The following ENTREP2 variants were observed in gnomAD, a reference collection of about 807,000 sequenced individuals.
ENTREP2 encodes protein ENTREP2.
the ENTREP2 span, among the ~76,000 whole-genome samples, chr15:29,429,224 TCCATCC>T: frequency 6.6e-6 from 1 of 150,526 alleles, no homozygotes; most frequent in Non-Finnish European, 1.5e-5. Context: ...CATCCATCCA[TCCATCC>T]ATCTATCTTG....
At chr15:29,517,392 C>A in the ENTREP2 span, among the ~76,000 whole-genome samples, 1 of 152,186 alleles carries the variant, frequency 6.6e-6, no homozygotes, top group African/African-American at 2.4e-5. Flanking sequence ...AGCCTGAGGT[C>A]AAGTGGCCAA....
chr15:29,318,838 G>T, the ENTREP2 span, among the ~76,000 whole-genome samples: 3 of 152,194 alleles, frequency 2.0e-5, no homozygotes, highest in Non-Finnish European at 2.9e-5. Context: ...TAGTGCAAAA[G>T]ATGAACCCAA....
the ENTREP2 span, among the ~76,000 whole-genome samples, chr15:29,379,579 A>G: frequency 6.6e-6 from 1 of 152,052 alleles, no homozygotes; most frequent in African/African-American, 2.4e-5. Flanking sequence ...CACTCTGAAC[A>G]TTCTACTCCT....
chr15:29,232,289 G>T, the ENTREP2 span, among the ~76,000 whole-genome samples: 1 of 151,998 alleles, frequency 6.6e-6, no homozygotes, highest in Non-Finnish European at 1.5e-5. Flanking sequence ...GTTTAAATTC[G>T]ATCTATTTCA....
At chr15:29,454,434 C>T in the ENTREP2 span, among the ~76,000 whole-genome samples, 1 of 152,196 alleles carries the variant, frequency 6.6e-6, no homozygotes, top group Non-Finnish European at 1.5e-5. Flanking sequence ...ATCAATCTTT[C>T]CCCTTATTAT....
the ENTREP2 span, among the ~76,000 whole-genome samples, chr15:29,540,270 A>G: frequency 6.6e-6 from 1 of 152,206 alleles, no homozygotes; most frequent in African/African-American, 2.4e-5. Context: ...TCTTCTCGCT[A>G]TGTTGAAATG....
chr15:29,469,636 C>T, the ENTREP2 span, among the ~76,000 whole-genome samples: 3 of 152,090 alleles, frequency 2.0e-5, no homozygotes, highest in African/African-American at 7.2e-5. Context: ...AAGGTGAAAA[C>T]GTTATAGAGA....
the ENTREP2 span, among the ~76,000 whole-genome samples, chr15:29,319,465 T>A: frequency 6.6e-6 from 1 of 152,186 alleles, no homozygotes; most frequent in East Asian, 1.9e-4. Flanking sequence ...TGGCAGAGCA[T>A]CTGTGCCCCT....
chr15:29,654,154 A>G, the ENTREP2 span, among the ~76,000 whole-genome samples: 1 of 152,216 alleles, frequency 6.6e-6, no homozygotes, highest in African/African-American at 2.4e-5. Flanking sequence ...TTGAACTGAG[A>G]AACTGATCAG....
At chr15:29,319,611 A>C in the ENTREP2 span, among the ~76,000 whole-genome samples, 1 of 152,240 alleles carries the variant, frequency 6.6e-6, no homozygotes, top group Non-Finnish European at 1.5e-5. Context: ...AAAAGCTTGG[A>C]GTTGTCACTC....
At chr15:29,551,162 G>C in the ENTREP2 span, among the ~76,000 whole-genome samples, 3 of 152,292 alleles carry the variant, frequency 2.0e-5, no homozygotes, top group East Asian at 5.8e-4. Flanking sequence ...TCCTTCTCCT[G>C]AAATGTAGAG....
the ENTREP2 span, among the ~76,000 whole-genome samples, chr15:29,402,292 T>TTGTGTGTGTGTG: frequency 0.013 from 1,667 of 131,208 alleles, 18 homozygotes; most frequent in Non-Finnish European, 0.019. Context: ...GTATATTGTA[T>TTGTGTGTGTGTG]TGTGTGTGTG....
the ENTREP2 span, among the ~76,000 whole-genome samples, chr15:29,502,883 G>C: frequency 4.6e-5 from 7 of 151,734 alleles, no homozygotes; most frequent in South Asian, 1.5e-3. Flanking sequence ...GAAAAATACA[G>C]ATCAAAACCA....
the ENTREP2 span, among the ~76,000 whole-genome samples, chr15:29,361,044 G>C: frequency 1.3e-5 from 2 of 152,164 alleles, no homozygotes; most frequent in Non-Finnish European, 2.9e-5. Flanking sequence ...CCTGCACCTG[G>C]TGCTTTTCCT....
chr15:29,492,926 C>A, the ENTREP2 span, among the ~76,000 whole-genome samples: 1 of 151,334 alleles, frequency 6.6e-6, no homozygotes, highest in Non-Finnish European at 1.5e-5. Context: ...ATCGCTTGAA[C>A]CCTGGAAGCG....
chr15:29,174,688 T>TAAAA, the ENTREP2 span, among the ~76,000 whole-genome samples: 105 of 108,784 alleles, frequency 9.7e-4, no homozygotes, highest in African/African-American at 4.6e-3. Context: ...AGACTCCAAC[T>TAAAA]AAACAAAACA....
chr15:29,279,644 T>C, the ENTREP2 span, among the ~76,000 whole-genome samples: 2 of 152,200 alleles, frequency 1.3e-5, no homozygotes, highest in Admixed American at 1.3e-4. Context: ...ATTACAGGCA[T>C]GAGCCACCGC....
At chr15:29,253,043 T>C in the ENTREP2 span, among the ~76,000 whole-genome samples, 3 of 152,218 alleles carry the variant, frequency 2.0e-5, no homozygotes, top group Non-Finnish European at 4.4e-5. Flanking sequence ...CTTAAATCTT[T>C]CTAAAGGAAT....
At chr15:29,208,669 C>T in the ENTREP2 span, among the ~76,000 whole-genome samples, 1 of 152,170 alleles carries the variant, frequency 6.6e-6, no homozygotes, top group African/African-American at 2.4e-5. Flanking sequence ...CATACCTATA[C>T]CTATATACCT....
Sources: gnomAD v4.1 joint callset for allele counts (sites outside exome capture counted in the v4.1 genomes callset) on GRCh38, gnomAD v4.1.1 for gene constraint, MANE v1.5 for transcripts, NCBI Gene and HGNC (gene_info 2026-07-23, HGNC 2026-07-21) for gene names.